The following DGKZ variants were observed in gnomAD, a reference collection of about 807,000 sequenced individuals.
DGKZ encodes the protein diacylglycerol kinase zeta.
In DGKZ, 45 loss-of-function variants were observed where a neutral mutation model predicts 142.5. The observed-to-expected ratio is 0.32, with a 90% confidence interval of 0.25 to 0.40. The LOEUF (loss-of-function observed/expected upper bound fraction) is 0.40, where lower values mean the gene tolerates loss of function less well. Among genes scored for constraint, DGKZ ranks in the 10% least tolerant of loss-of-function variants. The probability of loss-of-function intolerance (pLI) is 1.00; values close to 1 mark genes in which losing one functional copy is unlikely to be tolerated. For synonymous variants in DGKZ, 442 were observed against 527.0 expected, an observed-to-expected ratio of 0.84 and a Z score of 2.21; for missense variants, 755 against 1,306.5, an observed-to-expected ratio of 0.58 and a Z score of 6.51.
In DGKZ at chr11:46,376,021, G is replaced by A. The variant is rs370437473; in HGVS notation, c.2012-45G>A. ...AAGCAGCCGGGGCCCCCTTGGGCAG[G>A]GCTGTGGGGTGCAGCCAGCTGCTGA... On this transcript the variant is annotated intron_variant, in intron 21 of 30. Transcript: ENST00000527911. The A allele has an allele frequency of 4.3e-6, 7 of 1,611,954 alleles. No homozygotes were observed. In the African/African-American group the frequency reaches 9.3e-5, roughly 22 times the overall value.
At chr11:46,337,535 A>G (rs1276744725) in intron 1 of DGKZ, among the ~76,000 whole-genome samples, 1 of 151,848 alleles carries the variant, frequency 6.6e-6, no homozygotes, top group Non-Finnish European at 1.5e-5. Context: ...ACCTCAGGTG[A>G]TCCATCCACC....
intron 1 of DGKZ, among the ~76,000 whole-genome samples, chr11:46,348,626 C>T (rs1254842832): frequency 6.6e-6 from 1 of 152,214 alleles, no homozygotes; most frequent in Admixed American, 6.5e-5. Context: ...GTGCCTGTGA[C>T]AGAGCTTTGA....
chr11:46,345,317 T>A (rs1940502951), upstream of DGKZ: 10 of 1,382,726 alleles, frequency 7.2e-6, no homozygotes, highest in Non-Finnish European at 9.3e-6. This position sits in a 1 kb window ranked among gnomAD's most constrained non-coding sequence, Gnocchi z 4.1. Context: ...CCTGTGGTCC[T>A]CAGCTTGGGC....
chr11:46,364,746 A>G (rs1590526614), intron 1 of DGKZ: 1 of 985,312 alleles, frequency 1.0e-6, no homozygotes, highest in Admixed American at 6.1e-5. Flanking sequence ...CCAGCCCTTC[A>G]TCTTTGCCTT....
upstream of DGKZ, among the ~76,000 whole-genome samples, chr11:46,344,438 C>T (rs1940435541): frequency 6.6e-6 from 1 of 151,038 alleles, no homozygotes; most frequent in South Asian, 2.1e-4. Context: ...CCTCAGATAA[C>T]ACCATGAGCT....
At chr11:46,340,117 T>A (rs762716996) in intron 1 of DGKZ, among the ~76,000 whole-genome samples, 1 of 152,240 alleles carries the variant, frequency 6.6e-6, no homozygotes, top group African/African-American at 2.4e-5. Flanking sequence ...CAGTAACTGG[T>A]GGAGCCAGGA....
intron 1 of DGKZ, chr11:46,364,712 A>T: frequency 1.0e-6 from 1 of 985,450 alleles, no homozygotes; most frequent in Non-Finnish European, 1.2e-6. Flanking sequence ...AAGGTGCTAG[A>T]CGTGCGGCCT....
chr11:46,365,833 A>G lies in DGKZ; in HGVS notation c.162-1458A>G, dbSNP rs78047662. On this transcript the variant is annotated intron_variant, in intron 1 of 30. Transcript: ENST00000527911. Reference sequence around the variant, plus strand: ...GTCCATCCAGGCAGACCGACTCCCCATTTTCTTTTTGTTTTCTTTTCCATC... The same window carrying G: ...GTCCATCCAGGCAGACCGACTCCCCGTTTTCTTTTTGTTTTCTTTTCCATC... 0.011 allele frequency: 10,600 copies of G among 985,200 alleles called. 375 individuals are homozygous for G. In the South Asian group the frequency reaches 0.16, roughly 15 times the overall value. The allele number at this position is 985,200 out of a possible 1,614,324, so 61.0% of individuals were successfully genotyped here. A position where few individuals can be genotyped will look rare whatever the true frequency, so the allele number is the denominator to read the frequency against.
chr11:46,361,298 C>G (rs574361626), intron 1 of DGKZ, among the ~76,000 whole-genome samples: 1 of 152,322 alleles, frequency 6.6e-6, no homozygotes, highest in South Asian at 2.1e-4. Flanking sequence ...TCCCACTTCT[C>G]CCTCCTTAGA....
At chr11:46,371,800 T>TGCAGGGGA in intron 9 of DGKZ, 25 bp downstream of exon 9, 1 of 1,608,256 alleles carries the variant, frequency 6.2e-7, no homozygotes, top group Non-Finnish European at 8.5e-7. Context: ...GGGCAGAGGC[T>TGCAGGGGA]GCAGGGGAGC....
At chr11:46,373,777 C>T (rs1341150751) in intron 14 of DGKZ, among the ~76,000 whole-genome samples, 1 of 152,242 alleles carries the variant, frequency 6.6e-6, no homozygotes, top group African/African-American at 2.4e-5. Context: ...GGATTACAGG[C>T]ATGAGCCACC....
chr11:46,348,292 A>AC (rs1565002387), intron 1 of DGKZ, among the ~76,000 whole-genome samples: 2 of 152,296 alleles, frequency 1.3e-5, no homozygotes, highest in South Asian at 4.1e-4. Flanking sequence ...CAGGTTGCCT[A>AC]CCATCACTGC....
At chr11:46,379,176 C>T (rs759043615) in intron 28 of DGKZ, 27 bp from the exon 29 acceptor site, 2 of 1,612,738 alleles carry the variant, frequency 1.2e-6, no homozygotes, top group Non-Finnish European at 1.7e-6. Context: ...TGCCAGGCCT[C>T]TCTGACCACC....
In DGKZ at chr11:46,347,470, C is replaced by T. The variant is rs1362870669; in HGVS notation, c.-190C>T. 3 of 982,524 alleles carry T rather than the reference C, an allele frequency of 3.1e-6. No homozygotes were observed. The highest frequency in any genetic ancestry group is 4.5e-5 in the South Asian group (1 of 22,112). The allele number at this position is 982,524 out of a possible 1,614,324, so 60.9% of individuals were successfully genotyped here. A position where few individuals can be genotyped will look rare whatever the true frequency, so the allele number is the denominator to read the frequency against. ...CCTGCGGCCGCGGCTGGCGGCACTT[C>T]CTGGAGCGGCGGCGGCAGCGGCTTC... On this transcript the variant is annotated 5_prime_UTR_variant, in exon 1 of 31. Transcript: ENST00000527911. The surrounding 1 kb of genome is among the most constrained non-coding windows in gnomAD (Gnocchi z 6.4).
intron 14 of DGKZ, among the ~76,000 whole-genome samples, chr11:46,373,927 G>A (rs1944261833): frequency 6.6e-6 from 1 of 152,264 alleles, no homozygotes; most frequent in South Asian, 2.1e-4. Context: ...AGTGTTAGGG[G>A]AGCTGACAGG....
Position 46,374,354 on chromosome 11 carries a change from C to T in DGKZ, c.1406-45C>T, listed in dbSNP as rs755169701. On this transcript the variant is annotated intron_variant, in intron 15 of 30. Transcript: ENST00000527911. ...CAGCCCTCCCCCAACCCCACCTGGG[C>T]AGGCTGGGGTGACTCACTGGCCCCC... 6.2e-6 allele frequency: 10 copies of T among 1,613,558 alleles called. No individual in the cohort carries two copies. The South Asian group carries it at 9.9e-5, about 16-fold the overall frequency.
chr11:46,351,153 G>A lies in DGKZ; in HGVS notation c.161+3333G>A, dbSNP rs1268234914. On this transcript the variant is annotated intron_variant, in intron 1 of 30. Transcript: ENST00000527911. ...CTCCTCCAGGACCCACCGGGAAGGA[G>A]GACCCGCTTATCCTCTGGCCTGGTC... Among the ~76,000 whole-genome samples the A allele has an allele frequency of 7.9e-5, 12 of 152,114 alleles. 1 individual carries two copies. The East Asian group carries it at 2.3e-3, about 29-fold the overall frequency.
chr11:46,364,565 A>G (rs1943048727), intron 1 of DGKZ: 18 of 985,438 alleles, frequency 1.8e-5, no homozygotes, highest in Middle Eastern at 5.2e-4. Context: ...GGCAGAGACC[A>G]AGAGCTGAGC....
At chr11:46,343,444 T>G (rs1044740489), upstream of DGKZ, among the ~76,000 whole-genome samples, 5 of 152,234 alleles carry the variant, frequency 3.3e-5, no homozygotes, top group African/African-American at 1.2e-4. Context: ...TTTACTGAAC[T>G]GAACTGATGC....
Sources: gnomAD v4.1 joint callset for allele counts (sites outside exome capture counted in the v4.1 genomes callset) on GRCh38, gnomAD v4.1.1 for gene constraint, Gnocchi (gnomAD v3.1) non-coding constraint, MANE v1.5 for transcripts, NCBI Gene and HGNC (gene_info 2026-07-23, HGNC 2026-07-21) for gene names.